Variants in ARHGAP42 observed in about 807,000 individuals in gnomAD.
ARHGAP42 encodes the protein Rho GTPase activating protein 42.
In ARHGAP42, 63 loss-of-function variants were observed where a neutral mutation model predicts 125.0. The observed-to-expected ratio is 0.50, with a 90% CI of 0.41 to 0.62. ARHGAP42 has a LOEUF of 0.62. ARHGAP42 is among the 20% of genes least tolerant of loss of function. The pLI, the probability that ARHGAP42 is intolerant of heterozygous loss-of-function variation, is 0.00. For synonymous variants in ARHGAP42, 339 were observed against 351.0 expected (o/e 0.97, Z 0.38); for missense variants, 766 against 1,024.2 (o/e 0.75, Z 3.44).
rs1303610484 is a variant in ARHGAP42 at position 100,800,611 on chromosome 11, C to T, written c.312+5445C>T. Among the ~76,000 whole-genome samples, 20 of 152,070 alleles carry T rather than the reference C, an allele frequency of 1.3e-4. 1 individual carries two copies. The highest frequency in any genetic ancestry group is 1.3e-3 in the Admixed American group (20 of 15,272). On this transcript the variant is annotated intron_variant, in intron 3 of 23. Coordinates refer to ENST00000298815, the MANE Select transcript of ARHGAP42 (RefSeq NM_152432.4). Reference sequence around the variant, plus strand: ...CCATGGAGATGAAGGAAGATCCGACCACCCATTTCTTAGTGTTTCAAAGAT... The same window carrying T: ...CCATGGAGATGAAGGAAGATCCGACTACCCATTTCTTAGTGTTTCAAAGAT...
intron 5 of ARHGAP42, among the ~76,000 whole-genome samples, chr11:100,920,167 T>G (rs1370653998): frequency 2.0e-5 from 3 of 152,188 alleles, no homozygotes; most frequent in Non-Finnish European, 4.4e-5. Flanking sequence ...GATTTATACT[T>G]TCTTCACATT....
intron 3 of ARHGAP42, among the ~76,000 whole-genome samples, chr11:100,805,182 A>G (rs575798282): frequency 6.6e-6 from 1 of 152,346 alleles, no homozygotes; most frequent in Admixed American, 6.5e-5. Flanking sequence ...GGAAACTCAA[A>G]GGCACATAAC....
chr11:100,801,783 G>C (rs959592697), intron 3 of ARHGAP42, among the ~76,000 whole-genome samples: 1 of 152,184 alleles, frequency 6.6e-6, no homozygotes, highest in Non-Finnish European at 1.5e-5. Flanking sequence ...CATAATGCAG[G>C]ATTTTCCACA....
At chr11:100,838,525 T>C (rs1461499468) in intron 3 of ARHGAP42, among the ~76,000 whole-genome samples, 1 of 151,812 alleles carries the variant, frequency 6.6e-6, no homozygotes, top group Non-Finnish European at 1.5e-5. Flanking sequence ...TGGGTAATGG[T>C]GAGACCTTGC....
intron 4 of ARHGAP42, among the ~76,000 whole-genome samples, chr11:100,862,818 T>C (rs899773687): frequency 1.3e-5 from 2 of 151,508 alleles, no homozygotes; most frequent in African/African-American, 4.8e-5. Flanking sequence ...ATCACCTGAG[T>C]TCGGGAGTTC....
intron 10 of ARHGAP42, among the ~76,000 whole-genome samples, chr11:100,945,451 C>T (rs1050265692): frequency 1.3e-5 from 2 of 152,066 alleles, no homozygotes; most frequent in Non-Finnish European, 1.5e-5. Context: ...GTACTTTACC[C>T]AGATCCATTA....
At chr11:100,843,918 C>T (rs1041537541) in intron 3 of ARHGAP42, among the ~76,000 whole-genome samples, 23 of 151,930 alleles carry the variant, frequency 1.5e-4, no homozygotes, top group African/African-American at 5.6e-4. Context: ...AAAATATCAC[C>T]ATCATTCTTC....
chr11:100,752,735 T>G (rs1314471220), intron 1 of ARHGAP42, among the ~76,000 whole-genome samples: 1 of 152,246 alleles, frequency 6.6e-6, no homozygotes, highest in East Asian at 1.9e-4. Flanking sequence ...CTTAGTTTGT[T>G]GGCTTTCTCA....
At chr11:100,779,576 A>ATATACG (rs1863247263) in intron 2 of ARHGAP42, among the ~76,000 whole-genome samples, 1 of 145,784 alleles carries the variant, frequency 6.9e-6, no homozygotes, top group South Asian at 2.2e-4. Context: ...ATATACGTAT[A>ATATACG]TATACATATA....
intron 3 of ARHGAP42, among the ~76,000 whole-genome samples, chr11:100,836,699 A>C (rs540877020): frequency 1.3e-4 from 19 of 148,026 alleles, no homozygotes; most frequent in African/African-American, 4.7e-4. Context: ...GAGATGTGTA[A>C]GGTTTTTTGT....
chr11:100,886,256 T>TA (rs1374223931), intron 4 of ARHGAP42, among the ~76,000 whole-genome samples: 1 of 152,216 alleles, frequency 6.6e-6, no homozygotes, highest in Non-Finnish European at 1.5e-5. Context: ...CTTGCATTTT[T>TA]AAAAACAAGC....
Position 100,925,859 on chromosome 11 carries a change from G to A in ARHGAP42, c.597+4255G>A, listed in dbSNP as rs563279094. The stretch of plus-strand genomic sequence containing the variant: ...CCTTTCAGATGTGTCAACAAGGTAC[G>A]CAAGTGTAGGTCTATGATGGGGGAA... On this transcript the variant is annotated intron_variant, in intron 6 of 23. Transcript: ENST00000298815. Among the ~76,000 whole-genome samples the A allele has an allele frequency of 2.6e-5, 4 of 152,262 alleles. No homozygotes were observed. The East Asian group carries it at 5.8e-4, about 22-fold the overall frequency.
At chr11:100,885,688 A>G (rs1402429824) in intron 4 of ARHGAP42, among the ~76,000 whole-genome samples, 1 of 152,230 alleles carries the variant, frequency 6.6e-6, no homozygotes, top group East Asian at 1.9e-4. Context: ...TAATTGTAAG[A>G]AACAAAAGAA....
At chr11:100,745,829 T>C (rs1862290905) in intron 1 of ARHGAP42, among the ~76,000 whole-genome samples, 1 of 152,256 alleles carries the variant, frequency 6.6e-6, no homozygotes, top group Non-Finnish European at 1.5e-5. Flanking sequence ...CTTTTGGTTG[T>C]AATAGATGTA....
chr11:100,692,700 AG>A (rs1318037548), intron 1 of ARHGAP42, among the ~76,000 whole-genome samples: 1 of 152,210 alleles, frequency 6.6e-6, no homozygotes, highest in Non-Finnish European at 1.5e-5. Flanking sequence ...CAGTCAGTTA[AG>A]GCATTAGCCA....
chr11:100,813,722 G>GT (rs1181768365), intron 3 of ARHGAP42, among the ~76,000 whole-genome samples: 1 of 152,194 alleles, frequency 6.6e-6, no homozygotes, highest in Non-Finnish European at 1.5e-5. Context: ...GACTTCCACA[G>GT]TGTGTTAACT....
intron 17 of ARHGAP42, 100 bp from the exon 18 acceptor site, chr11:100,973,075 G>T: frequency 9.4e-7 from 1 of 1,064,406 alleles, no homozygotes. Context: ...CCCTATAATG[G>T]CATATTTTAC....
intron 1 of ARHGAP42, among the ~76,000 whole-genome samples, chr11:100,728,285 G>T (rs918344275): frequency 2.6e-5 from 4 of 152,138 alleles, no homozygotes; most frequent in African/African-American, 9.7e-5. Flanking sequence ...CCTGCAAAAG[G>T]GGTGGGATTG....
chr11:100,977,075 A>G (rs1858412859), intron 21 of ARHGAP42, 104 bp downstream of exon 21: 1 of 1,316,142 alleles, frequency 7.6e-7, no homozygotes, highest in Non-Finnish European at 1.0e-6. Context: ...TACATTGGGA[A>G]TACTTTATCT....
Sources: gnomAD v4.1 joint callset for allele counts (sites outside exome capture counted in the v4.1 genomes callset) on GRCh38, gnomAD v4.1.1 for gene constraint, MANE v1.5 for transcripts, NCBI Gene and HGNC (gene_info 2026-07-23, HGNC 2026-07-21) for gene names.